The following GOLGA6L9 variants were observed in gnomAD, a reference collection of about 807,000 sequenced individuals.
The protein encoded by GOLGA6L9 is golgin subfamily A member 6-like protein 9.
In GOLGA6L9, 19 loss-of-function variants were observed where a neutral mutation model predicts 51.3. The ratio of observed to expected loss-of-function variants is 0.37; its 90% confidence interval spans 0.26 to 0.54. GOLGA6L9 has a LOEUF of 0.54. Among genes scored for constraint, GOLGA6L9 ranks in the 20% least tolerant of loss-of-function variants. GOLGA6L9 has a pLI of 0.83. For missense variants in GOLGA6L9, 247 were observed against 464.1 expected (o/e 0.53, Z 4.30); for synonymous variants, 97 against 184.2 (o/e 0.53, Z 3.83).
chr15:82,432,881 A>T lies in GOLGA6L9; in HGVS notation c.329A>T (p.Glu110Val). 6.2e-7 allele frequency: 1 copy of T among 1,612,264 alleles called. No individual in the cohort carries two copies. Among genetic ancestry groups the T allele is most frequent in the Non-Finnish European group, 8.5e-7 (1 of 1,179,750 alleles). Residue 110 changes from glutamate to valine, a missense_variant, in exon 4 of 9, where the codon GAA becomes GTA. This residue lies in a region of GOLGA6L9 where 74 missense variants were observed against 91.2 expected (regional missense o/e 0.81). Transcript: ENST00000618348. ...TCCGCAATAATCAGTCAACTCACTG[A>T]AAACATCAATTCACTGGTAAGAGTC... ...SSSAIISQLT[E>V]NINSLVRTSK...
intron 4 of GOLGA6L9, among the ~76,000 whole-genome samples, chr15:82,433,143 G>A (rs2031484624): frequency 6.6e-6 from 1 of 151,076 alleles, no homozygotes; most frequent in African/African-American, 2.4e-5. Context: ...ACATGCCCTG[G>A]GGTTGTCACC....
chr15:82,429,901 C>A lies in GOLGA6L9; in HGVS notation c.-179C>A, dbSNP rs1383989292. ...GCTACAGGTCCCTCTGGACATGCTG[C>A]GCCTGGCCACGCCTCCTTTCCCTTT... On this transcript the variant is annotated 5_prime_UTR_variant, in exon 1 of 9. Coordinates refer to ENST00000618348, the MANE Select transcript of GOLGA6L9 (RefSeq NM_198181.4). 5 of 793,796 alleles carry A rather than the reference C, an allele frequency of 6.3e-6. No individual in the cohort carries two copies. The highest frequency in any genetic ancestry group is 2.4e-5 in the East Asian group (1 of 41,244). 49.2% of individuals were successfully genotyped at this position (793,796 alleles called of 1,614,324 possible).
rs1487798916 is a variant in GOLGA6L9 at position 82,436,584 on chromosome 15, T to C, written c.*173T>C. 7.2e-4 allele frequency: 454 copies of C among 632,674 alleles called. 11 individuals are homozygous for C. In the South Asian group the frequency reaches 0.013, roughly 17 times the overall value. The allele number at this position is 632,674 out of a possible 1,614,324, so 39.2% of individuals were successfully genotyped here. ...TTTAAATTTATTTGTTTCTAATTTA[T>C]AGTTTAAATTTATTTGTGTTTCTAA... On this transcript the variant is annotated 3_prime_UTR_variant, in exon 9 of 9. Transcript: ENST00000618348.
At chr15:82,429,372 G>C (rs1293173956), upstream of GOLGA6L9, among the ~76,000 whole-genome samples, 1 of 152,112 alleles carries the variant, frequency 6.6e-6, no homozygotes, top group Non-Finnish European at 1.5e-5. Context: ...ACCGCACCTG[G>C]CCCAAAAGCT....
At chr15:82,432,060 G>C in intron 2 of GOLGA6L9, 111 bp downstream of exon 2, 2 of 1,242,898 alleles carry the variant, frequency 1.6e-6, no homozygotes, top group Non-Finnish European at 2.1e-6. Flanking sequence ...TTCTGGATTT[G>C]AATCCTGCCT....
At chr15:82,419,170 T>A in the GOLGA6L9 span, 5 of 213,000 alleles carry the variant, frequency 2.3e-5, no homozygotes, top group Non-Finnish European at 4.8e-5. Context: ...GGAATACTTC[T>A]CAAGATAATT....
In GOLGA6L9 at chr15:82,437,157, T is replaced by G; in HGVS notation, c.*746T>G. 6.8e-6 allele frequency: 1 copy of G among 147,724 alleles called. No homozygotes were observed. The highest frequency in any genetic ancestry group is 1.5e-5 in the Non-Finnish European group (1 of 67,136). 9.2% of individuals were successfully genotyped at this position (147,724 alleles called of 1,614,324 possible). On this transcript the variant is annotated 3_prime_UTR_variant, in exon 9 of 9. Coordinates refer to ENST00000618348, the MANE Select transcript of GOLGA6L9 (RefSeq NM_198181.4). The stretch of plus-strand genomic sequence containing the variant: ...GAGCGCTGTACTACGGTAGTTCCCT[T>G]AGGATTTGTATGTGCTCTAGGCTCA...
At chr15:82,433,943 G>C in intron 5 of GOLGA6L9, 91 bp from the exon 6 acceptor site, 21 of 1,456,024 alleles carry the variant, frequency 1.4e-5, no homozygotes, top group Non-Finnish European at 1.7e-5. Context: ...AGTTTGGGAA[G>C]CCTGAGAGGA....
chr15:82,417,432 C>T, the GOLGA6L9 span, among the ~76,000 whole-genome samples: 65 of 152,268 alleles, frequency 4.3e-4, no homozygotes, highest in Non-Finnish European at 7.5e-4. Context: ...GGTGTCAGTG[C>T]TGCTGGAAGT....
chr15:82,420,402 C>G, the GOLGA6L9 span, among the ~76,000 whole-genome samples: 5 of 151,618 alleles, frequency 3.3e-5, no homozygotes, highest in East Asian at 9.6e-4. Flanking sequence ...AAATTGAGTT[C>G]ATGTTATAAA....
chr15:82,428,931 G>C (rs1330126471), upstream of GOLGA6L9, among the ~76,000 whole-genome samples: 1 of 150,456 alleles, frequency 6.6e-6, no homozygotes, highest in East Asian at 2.0e-4. Context: ...TATCAAGTGA[G>C]AAATTCAGTT....
chr15:82,432,662 C>G, intron 3 of GOLGA6L9, 31 bp downstream of exon 3: 1 of 1,598,188 alleles, frequency 6.3e-7, no homozygotes, highest in South Asian at 1.1e-5. Flanking sequence ...GTGCAGTGAC[C>G]CTGCAGGCCA....
chr15:82,434,019 T>G lies in GOLGA6L9; in HGVS notation c.434-15T>G. ...TGAGAATCCAGAGGCCCTTATTCTC[T>G]GCTTGCTTTCTCAGCTGAACCCCTG... On this transcript the variant is annotated splice_polypyrimidine_tract_variant and intron_variant, in intron 5 of 8. Transcript: ENST00000618348. 1 of 1,533,248 alleles carries G rather than the reference T, an allele frequency of 6.5e-7. No homozygotes were observed. The highest frequency in any genetic ancestry group is 8.7e-7 in the Non-Finnish European group (1 of 1,152,352). The allele number at this position is 1,533,248 out of a possible 1,614,324, so 95.0% of individuals were successfully genotyped here.
At position 82,434,690 on chromosome 15, in the gene GOLGA6L9, T is replaced by G. The variant is rs2031600237; in HGVS notation, c.1002+88T>G. The G allele has an allele frequency of 3.8e-6, 3 of 786,926 alleles. No homozygotes were observed. In the South Asian group the frequency reaches 4.4e-5, roughly 11 times the overall value. The allele number at this position is 786,926 out of a possible 1,614,324, so 48.7% of individuals were successfully genotyped here. A position where few individuals can be genotyped will look rare whatever the true frequency, so the allele number is the denominator to read the frequency against. On this transcript the variant is annotated intron_variant, in intron 6 of 8. Coordinates refer to ENST00000618348, the MANE Select transcript of GOLGA6L9 (RefSeq NM_198181.4). ...CCTGTAAAATGGGGCATTGTAGCCT[T>G]CACATGAAATGGTACTTCTAAAGGC... is the stretch of plus-strand genomic sequence containing the variant.
chr15:82,433,354 G>A lies in GOLGA6L9; in HGVS notation c.346-208G>A, dbSNP rs1162742902. Among the ~76,000 whole-genome samples the A allele has an allele frequency of 2.4e-3, 358 of 150,570 alleles. 7 individuals carry two copies. Among genetic ancestry groups the A allele is most frequent in the Non-Finnish European group, 4.1e-3 (278 of 67,390 alleles). On this transcript the variant is annotated intron_variant, in intron 4 of 8. Coordinates refer to ENST00000618348, the MANE Select transcript of GOLGA6L9 (RefSeq NM_198181.4). ...GCCCCTAGAATGGAAAGCTCAGGGC[G>A]AAGGGCTCCTGTCTGTCCTTTGCTG... is the stretch of plus-strand genomic sequence containing the variant.
rs1290651880 is a variant in GOLGA6L9 at position 82,437,797 on chromosome 15, A to G, written c.*1386A>G. The G allele has an allele frequency of 4.0e-5, 6 of 151,226 alleles. 1 individual carries two copies. Among genetic ancestry groups the G allele is most frequent in the Admixed American group, 3.9e-4 (6 of 15,212 alleles). The allele number at this position is 151,226 out of a possible 1,614,324, so 9.4% of individuals were successfully genotyped here. A position where few individuals can be genotyped will look rare whatever the true frequency, so the allele number is the denominator to read the frequency against. Reference sequence around the variant, plus strand: ...AGTTTATGCAACGTAAAACGTTTACAAACTGCAGCACAATCTACTGTTCGT... The same window carrying G: ...AGTTTATGCAACGTAAAACGTTTACGAACTGCAGCACAATCTACTGTTCGT... On this transcript the variant is annotated 3_prime_UTR_variant, in exon 9 of 9. Transcript: ENST00000618348.
the GOLGA6L9 span, among the ~76,000 whole-genome samples, chr15:82,423,860 AT>A: frequency 8.3e-6 from 1 of 120,156 alleles, no homozygotes; most frequent in Non-Finnish European, 1.8e-5. Context: ...GACCTACAGT[AT>A]GGTTATTTGT....
the GOLGA6L9 span, among the ~76,000 whole-genome samples, chr15:82,424,519 C>A: frequency 6.6e-6 from 1 of 152,130 alleles, no homozygotes; most frequent in African/African-American, 2.4e-5. Context: ...ATTAAAAAAA[C>A]AAAAAGGAAA....
chr15:82,416,240 G>A, the GOLGA6L9 span, among the ~76,000 whole-genome samples: 1 of 152,084 alleles, frequency 6.6e-6, no homozygotes, highest in African/African-American at 2.4e-5. Flanking sequence ...ACACAAGGAG[G>A]GTAGGATTCA....
Sources: gnomAD v4.1 joint callset for allele counts (sites outside exome capture counted in the v4.1 genomes callset) on GRCh38, gnomAD v4.1.1 for gene constraint, gnomAD v4.1.1 regional missense constraint, MANE v1.5 for transcripts, NCBI Gene and HGNC (gene_info 2026-07-23, HGNC 2026-07-21) for gene names.